Variants in ZFHX3 observed in about 807,000 individuals in gnomAD.
The protein encoded by ZFHX3 is zinc finger homeobox protein 3.
Under a neutral mutation model 279.1 loss-of-function variants are expected in ZFHX3, and 42 were observed. The observed-to-expected ratio is 0.15, with a 90% confidence interval of 0.12 to 0.19. The LOEUF (loss-of-function observed/expected upper bound fraction) is 0.19. ZFHX3 is among the 10% of genes least tolerant of loss of function. The pLI is 1.00. For missense variants in ZFHX3, 4,981 were observed against 4,754.0 expected (o/e 1.05, Z -1.40); for synonymous variants, 2,293 against 1,957.8 (o/e 1.17, Z -4.52).
chr16:73,534,761 T>A (rs187364954), intron 2 of ZFHX3, among the ~76,000 whole-genome samples: 26 of 152,316 alleles, frequency 1.7e-4, no homozygotes, highest in Middle Eastern at 3.4e-3. Context: ...TGCCAAATTG[T>A]GTGTCTGAGT....
intron 5 of ZFHX3, among the ~76,000 whole-genome samples, chr16:73,175,798 C>T (rs910293243): frequency 9.9e-5 from 15 of 152,240 alleles, no homozygotes; most frequent in Admixed American, 5.2e-4. Context: ...CAAATACATT[C>T]CCAACGCTTG....
At chr16:73,776,595 G>A (rs1959251895) in intron 1 of ZFHX3, among the ~76,000 whole-genome samples, 1 of 152,158 alleles carries the variant, frequency 6.6e-6, no homozygotes, top group South Asian at 2.1e-4. Flanking sequence ...TGAAATTAGA[G>A]GGGAAATCAT....
At chr16:72,944,687 ATTACT>A (rs1260528667) in intron 3 of ZFHX3, among the ~76,000 whole-genome samples, 2 of 152,174 alleles carry the variant, frequency 1.3e-5, no homozygotes, top group African/African-American at 4.8e-5. Context: ...CATTACTCAT[ATTACT>A]TTAACTGTAA....
intron 4 of ZFHX3, among the ~76,000 whole-genome samples, chr16:73,271,547 C>A (rs968716462): frequency 6.6e-6 from 1 of 152,222 alleles, no homozygotes; most frequent in African/African-American, 2.4e-5. Context: ...CGGCCACTGA[C>A]CAGCTTTGTG....
intron 5 of ZFHX3, among the ~76,000 whole-genome samples, chr16:73,249,317 G>A (rs1227214183): frequency 1.3e-5 from 2 of 152,182 alleles, no homozygotes; most frequent in East Asian, 3.9e-4. Flanking sequence ...AAAGGAGATT[G>A]TATTAGTCTG....
rs188380210 is a variant in ZFHX3 at position 73,487,983 on chromosome 16, C to A, written c.-1546-31725G>T. On this transcript the variant is annotated intron_variant, in intron 2 of 17. Coordinates refer to the ZFHX3 transcript ENST00000641206. ...CAGACATCTAAGCAAGCCCAGCCAA[C>A]ATGATGTGATACAGAAACGCACCCA... 2.1e-3 allele frequency among the ~76,000 whole-genome samples: 313 copies of A among 152,282 alleles called. 2 individuals are homozygous for A. The highest frequency in any genetic ancestry group is 9.7e-3 in the South Asian group (47 of 4,822).
At chr16:72,876,287 A>C (rs1413932134) in intron 4 of ZFHX3, among the ~76,000 whole-genome samples, 1 of 152,238 alleles carries the variant, frequency 6.6e-6, no homozygotes, top group Non-Finnish European at 1.5e-5. Flanking sequence ...CAGATGGCTC[A>C]GGGATCCAGT....
At chr16:73,739,928 T>G (rs2053640421) in intron 1 of ZFHX3, among the ~76,000 whole-genome samples, 1 of 152,156 alleles carries the variant, frequency 6.6e-6, no homozygotes, top group Non-Finnish European at 1.5e-5. Flanking sequence ...CCACTCTGTA[T>G]TTTTAACTGC....
intron 3 of ZFHX3, among the ~76,000 whole-genome samples, chr16:72,917,184 C>T (rs537104365): frequency 2.0e-5 from 3 of 152,246 alleles, no homozygotes; most frequent in Admixed American, 6.5e-5. Context: ...GAGGCTACAG[C>T]GAGCCATGAT....
intron 2 of ZFHX3, among the ~76,000 whole-genome samples, chr16:73,670,677 A>C (rs866045224): frequency 6.6e-6 from 1 of 152,166 alleles, no homozygotes; most frequent in South Asian, 2.1e-4. Flanking sequence ...AACTAACAAA[A>C]CATATGCACC....
chr16:72,959,023 C>T lies in ZFHX3; in HGVS notation c.1123G>A (p.Gly375Arg). The T allele has an allele frequency of 6.2e-7, 1 of 1,612,970 alleles. No homozygotes were observed. Among genetic ancestry groups the T allele is most frequent in the Non-Finnish European group, 8.5e-7 (1 of 1,179,410 alleles). ...GAGCCCGCTGGGAGAGCTTCCTCCCCTTCCATTCGAATGCCACTAAATTTA... is the reference window on the plus strand; with the variant it reads ...GAGCCCGCTGGGAGAGCTTCCTCCCTTTCCATTCGAATGCCACTAAATTTA... ...YGKFSGIRME[G>R]EEALPAGSAA... Residue 375 changes from glycine (G) to arginine (R), a missense_variant, in exon 2 of 10, where the codon GGG (glycine) becomes AGG (arginine). Physicochemically the swap from Gly to Arg is moderately radical, Grantham distance 125. Coordinates refer to ENST00000268489, the MANE Select transcript of ZFHX3 (RefSeq NM_006885.4).
At chr16:73,187,222 CTTT>C (rs1967932845) in intron 5 of ZFHX3, among the ~76,000 whole-genome samples, 1 of 151,984 alleles carries the variant, frequency 6.6e-6, no homozygotes, top group South Asian at 2.1e-4. Context: ...TTAACAACTT[CTTT>C]GAGTGACAGC....
intron 3 of ZFHX3, among the ~76,000 whole-genome samples, chr16:73,412,085 G>C (rs982176486): frequency 6.6e-6 from 1 of 152,086 alleles, no homozygotes; most frequent in Admixed American, 6.6e-5. Context: ...CCAGCACTTG[G>C]GAGAGCGAGG....
At chr16:73,678,669 A>T (rs1171108950) in intron 2 of ZFHX3, among the ~76,000 whole-genome samples, 1 of 152,174 alleles carries the variant, frequency 6.6e-6, no homozygotes. Context: ...CTCACCAAAA[A>T]AACTGCTATA....
chr16:73,398,757 A>G (rs2017183024), intron 3 of ZFHX3, among the ~76,000 whole-genome samples: 1 of 152,230 alleles, frequency 6.6e-6, no homozygotes, highest in Non-Finnish European at 1.5e-5. Flanking sequence ...TTTGTAGTAG[A>G]TGATGGCATG....
chr16:73,466,762 A>G (rs1255695596), intron 2 of ZFHX3, among the ~76,000 whole-genome samples: 1 of 152,166 alleles, frequency 6.6e-6, no homozygotes, highest in East Asian at 1.9e-4. Context: ...TAGAAAGCTC[A>G]GGGACCTAAT....
At chr16:73,248,422 G>T (rs893816257) in intron 5 of ZFHX3, among the ~76,000 whole-genome samples, 1 of 151,744 alleles carries the variant, frequency 6.6e-6, no homozygotes, top group African/African-American at 2.4e-5. Context: ...TGCATATAAT[G>T]TGTCTTTGTG....
intron 9 of ZFHX3, among the ~76,000 whole-genome samples, chr16:72,792,128 G>A (rs1325238785): frequency 2.0e-5 from 3 of 152,190 alleles, no homozygotes; most frequent in Non-Finnish European, 4.4e-5. Flanking sequence ...TGGATCCAGA[G>A]AAGATGTGAG....
At chr16:73,124,887 G>A (rs1317878567) in intron 7 of ZFHX3, among the ~76,000 whole-genome samples, 1 of 152,174 alleles carries the variant, frequency 6.6e-6, no homozygotes, top group African/African-American at 2.4e-5. Context: ...GACATGGCTG[G>A]GAGGGGGCTG....
Sources: gnomAD v4.1 joint callset for allele counts (sites outside exome capture counted in the v4.1 genomes callset) on GRCh38, gnomAD v4.1.1 for gene constraint, MANE v1.5 for transcripts, NCBI Gene and HGNC (gene_info 2026-07-23, HGNC 2026-07-21) for gene names.